The following CLSTN3 variants were observed in gnomAD, a reference collection of about 807,000 sequenced individuals.
The protein encoded by CLSTN3 is calsyntenin-3.
In CLSTN3, 36 loss-of-function variants were observed where a neutral mutation model predicts 95.9. That is an observed-to-expected ratio of 0.38 (90% CI 0.29 to 0.50). The LOEUF (loss-of-function observed/expected upper bound fraction) is 0.50, where lower values mean the gene tolerates loss of function less well. Among genes scored for constraint, CLSTN3 ranks in the 20% least tolerant of loss-of-function variants. The pLI, the probability that CLSTN3 is intolerant of heterozygous loss-of-function variation, is 0.95. For missense variants in CLSTN3, 1,084 were observed against 1,268.8 expected, an observed-to-expected ratio of 0.85 and a Z score of 2.21; for synonymous variants, 481 against 504.0, an observed-to-expected ratio of 0.95 and a Z score of 0.61.
At chr12:7,156,286 G>C in intron 16 of CLSTN3, 5 of 457,054 alleles carry the variant, frequency 1.1e-5, no homozygotes, top group Non-Finnish European at 2.2e-5. Context: ...TCCACCTGCT[G>C]TCCCTGGGGC....
rs749951518 is a variant in CLSTN3 at position 7,133,731 on chromosome 12, G to A, written c.346G>A (p.Glu116Lys). The A allele has an allele frequency of 1.4e-5, 23 of 1,601,708 alleles. No homozygotes were observed. Among genetic ancestry groups the A allele is most frequent in the Admixed American group, 1.8e-5 (1 of 56,690 alleles). Residue 116 changes from glutamate (E) to lysine (K), a missense_variant, in exon 3 of 18, where the codon GAG (glutamate) becomes AAG (lysine). By Grantham distance (56) the Glu-to-Lys change is moderately conservative. Coordinates refer to ENST00000266546, the MANE Select transcript of CLSTN3 (RefSeq NM_014718.4). This position sits in a 1 kb window ranked among gnomAD's most constrained non-coding sequence, Gnocchi z 4.7. ...CACCATCCAGGCCTATGACTGTGGC[G>A]AGGGCCCCGACGGGGCCAACACCAA... Reference protein sequence around the residue: ...TFTIQAYDCGEGPDGANTKKS... With the variant: ...TFTIQAYDCGKGPDGANTKKS...
chr12:7,149,474 C>A lies in CLSTN3; in HGVS notation c.2075-49C>A. 6.4e-7 allele frequency: 1 copy of A among 1,555,934 alleles called. No homozygotes were observed. Among genetic ancestry groups the A allele is most frequent in the Non-Finnish European group, 8.7e-7 (1 of 1,143,308 alleles). On this transcript the variant is annotated intron_variant, in intron 13 of 17. Transcript: ENST00000266546. The surrounding 1 kb of genome is among the most constrained non-coding windows in gnomAD (Gnocchi z 4.5). ...TGAGGGCATGGTTGGGTCTCAGAAC[C>A]TCCGTGGGCCCTTTGGCTCTGACCC...
rs1292964959 is a variant in CLSTN3 at position 7,132,836 on chromosome 12, G to T, written c.65-188G>T. 9 of 710,986 alleles carry T rather than the reference G, an allele frequency of 1.3e-5. No individual in the cohort carries two copies. In the South Asian group the frequency reaches 1.5e-4, roughly 12 times the overall value. 44.0% of individuals were successfully genotyped at this position (710,986 alleles called of 1,614,324 possible). Reference sequence around the variant, plus strand: ...CTATAGGAGAAGGCTATGACCTCCCGCAGACCCTCTGACTCCTTTAGTAGC... The same window carrying T: ...CTATAGGAGAAGGCTATGACCTCCCTCAGACCCTCTGACTCCTTTAGTAGC... On this transcript the variant is annotated intron_variant, in intron 1 of 17. Coordinates refer to ENST00000266546, the MANE Select transcript of CLSTN3 (RefSeq NM_014718.4).
chr12:7,139,729 ACCTCGG>A (rs1939496067), intron 8 of CLSTN3, among the ~76,000 whole-genome samples: 1 of 151,814 alleles, frequency 6.6e-6, no homozygotes. Context: ...GCTCACTGCA[ACCTCGG>A]CCTCCCGGGT....
chr12:7,130,315 CCAGTCACCTGATTGGCCGGCGG>C, upstream of CLSTN3: 1 of 992,712 alleles, frequency 1.0e-6, no homozygotes, highest in South Asian at 1.9e-5. Context: ...CCCCCCCCTC[CCAGTCACCTGATTGGCCGGCGG>C]CCCCATCAAT....
At chr12:7,142,253 G>A (rs1939539600) in intron 10 of CLSTN3, 114 bp downstream of exon 10, 1 of 848,138 alleles carries the variant, frequency 1.2e-6, no homozygotes, top group African/African-American at 1.7e-5. Context: ...TAGGCCACCA[G>A]GGGGCAGAGC....
chr12:7,135,626 C>A, intron 4 of CLSTN3, 91 bp downstream of exon 4: 2 of 1,416,148 alleles, frequency 1.4e-6, no homozygotes, highest in South Asian at 1.2e-5. Context: ...TCCACTTTTG[C>A]CCCTCAGACC....
Position 7,143,309 on chromosome 12 carries a change from C to G in CLSTN3, c.1845C>G (p.Val615=). 1 of 1,607,522 alleles carries G rather than the reference C, an allele frequency of 6.2e-7. No individual in the cohort carries two copies. The highest frequency in any genetic ancestry group is 8.5e-7 in the Non-Finnish European group (1 of 1,179,354). The change falls in exon 12 of 18, where the codon GTC becomes GTG. Residue 615 remains valine (V), a splice_region_variant and synonymous_variant. Coordinates refer to ENST00000266546, the MANE Select transcript of CLSTN3 (RefSeq NM_014718.4). The part of the protein sequence containing the change: ...GVRPLRLTTA[V]KCFSEESCVS... ...GGCCCCTGCGCCTCACCACTGCTGT[C>G]AAGTGAGTGTTGGGTGGGGCAGGGC...
intron 12 of CLSTN3, among the ~76,000 whole-genome samples, chr12:7,146,425 A>T (rs1565652508): frequency 6.6e-6 from 1 of 152,130 alleles, no homozygotes; most frequent in Non-Finnish European, 1.5e-5. Context: ...AGAGAAAAAA[A>T]AAACAGATCT....
intron 12 of CLSTN3, among the ~76,000 whole-genome samples, chr12:7,144,353 A>G (rs1310530103): frequency 6.6e-6 from 1 of 152,206 alleles, no homozygotes; most frequent in Non-Finnish European, 1.5e-5. Flanking sequence ...ACATGTTTAA[A>G]AATACAGATC....
At chr12:7,143,406 C>T (rs1287390656) in intron 12 of CLSTN3, 95 bp downstream of exon 12, 3 of 1,403,872 alleles carry the variant, frequency 2.1e-6, no homozygotes, top group African/African-American at 2.9e-5. Flanking sequence ...AGGCATACCT[C>T]TTTTGTTTTA....
rs749615053 is a variant in CLSTN3 at position 7,149,162 on chromosome 12, G to T, written c.2038G>T (p.Val680Leu). Residue 680 changes from valine to leucine, a missense_variant, in exon 13 of 18, where the codon GTG (valine) becomes TTG (leucine). Coordinates refer to ENST00000266546, the MANE Select transcript of CLSTN3 (RefSeq NM_014718.4). This position sits in a 1 kb window ranked among gnomAD's most constrained non-coding sequence, Gnocchi z 4.5. ...AATCACCTGCTCCATTTCTCACCAGGTGGAGGCCAAAAAGGATGAGAGTTG... is the reference window on the plus strand; with the variant it reads ...AATCACCTGCTCCATTTCTCACCAGTTGGAGGCCAAAAAGGATGAGAGTTG... ...LQITCSISHQ[V>L]EAKKDESWQG... is the part of the protein sequence containing the mutation. 2 of 1,614,052 alleles carry T rather than the reference G, an allele frequency of 1.2e-6. No homozygotes were observed. Among genetic ancestry groups the T allele is most frequent in the Non-Finnish European group, 8.5e-7 (1 of 1,180,044 alleles).
Position 7,133,898 on chromosome 12 carries a change from GC to G in CLSTN3, c.383+134del. The G allele has an allele frequency of 1.4e-6, 1 of 731,460 alleles. No homozygotes were observed. Among genetic ancestry groups the G allele is most frequent in the Non-Finnish European group, 2.2e-6 (1 of 457,950 alleles). 45.3% of individuals were successfully genotyped at this position (731,460 alleles called of 1,614,324 possible). A position where few individuals can be genotyped will look rare whatever the true frequency, so the allele number is the denominator to read the frequency against. ...CGCTGCTGTTCCTAGGACTTAGGGA[GC>G]CCCATCCCCTGCTGTTCCTAGGATT... On this transcript the variant is annotated intron_variant, in intron 3 of 17. Transcript: ENST00000266546. This position sits in a 1 kb window ranked among gnomAD's most constrained non-coding sequence, Gnocchi z 4.7.
Position 7,157,109 on chromosome 12 carries a change from G to T in CLSTN3, c.2528-380G>T, listed in dbSNP as rs752472481. Among the ~76,000 whole-genome samples the T allele has an allele frequency of 6.6e-6, 1 of 152,180 alleles. No individual in the cohort carries two copies. The highest frequency in any genetic ancestry group is 2.1e-4 in the South Asian group (1 of 4,826). ...CTGGCACCTCTTTCCTAGGCTGAGT[G>T]GTCTCTGGGGAAGGCACAGGTGGAA... is the stretch of plus-strand genomic sequence containing the variant. On this transcript the variant is annotated intron_variant, in intron 16 of 17. Coordinates refer to ENST00000266546, the MANE Select transcript of CLSTN3 (RefSeq NM_014718.4). This position sits in a 1 kb window ranked among gnomAD's most constrained non-coding sequence, Gnocchi z 5.9.
intron 16 of CLSTN3, among the ~76,000 whole-genome samples, chr12:7,154,745 C>A (rs1939787471): frequency 6.6e-6 from 1 of 152,082 alleles, no homozygotes; most frequent in Non-Finnish European, 1.5e-5. Context: ...TCTTTTGTTT[C>A]CTACAAGTAT....
Position 7,137,930 on chromosome 12 carries a change from C to T in CLSTN3, c.1211-25C>T. 6.3e-7 allele frequency: 1 copy of T among 1,582,914 alleles called. No homozygotes were observed. Among genetic ancestry groups the T allele is most frequent in the African/African-American group, 1.3e-5 (1 of 74,422 alleles). ...TTCTGGCCTCAGCCTCTGCACTTGA[C>T]CCCATCCCCTTCCTGTGCCCTCAGA... On this transcript the variant is annotated intron_variant, in intron 7 of 17. Transcript: ENST00000266546. The surrounding 1 kb of genome is among the most constrained non-coding windows in gnomAD (Gnocchi z 4.4).
rs902042870 is a variant in CLSTN3 at position 7,135,890 on chromosome 12, C to A, written c.679C>A (p.Arg227=). Residue 227 remains arginine, a synonymous_variant, in exon 5 of 18, where the codon CGG becomes AGG. Transcript: ENST00000266546. The stretch of plus-strand genomic sequence containing the variant: ...GACAGCTTATGACTGTGGGAAGAAG[C>A]GGGCAGCAGATGATGCTGAGGTGGA... ...TVTAYDCGKK[R]AADDAEVEIQ... The A allele has an allele frequency of 1.9e-6, 3 of 1,614,034 alleles. No individual in the cohort carries two copies. The highest frequency in any genetic ancestry group is 2.5e-6 in the Non-Finnish European group (3 of 1,179,946).
chr12:7,158,254 T>C lies in CLSTN3; in HGVS notation c.*173T>C. ...GGCCCTCTGGAGTCCGCCCTGCCCC[T>C]CCCCCGGCCCCCCATCCCTCACTTC... On this transcript the variant is annotated 3_prime_UTR_variant, in exon 18 of 18. Transcript: ENST00000266546. The C allele has an allele frequency of 1.5e-6, 1 of 689,456 alleles. No homozygotes were observed. Among genetic ancestry groups the C allele is most frequent in the Non-Finnish European group, 2.3e-6 (1 of 442,152 alleles). The allele number at this position is 689,456 out of a possible 1,614,324, so 42.7% of individuals were successfully genotyped here. A position where few individuals can be genotyped will look rare whatever the true frequency, so the allele number is the denominator to read the frequency against.
At chr12:7,142,008 G>A in intron 9 of CLSTN3, 78 bp from the exon 10 acceptor site, 1 of 1,135,734 alleles carries the variant, frequency 8.8e-7, no homozygotes, top group Non-Finnish European at 1.3e-6. Context: ...ATGAGAGGAA[G>A]ACATCTCATT....
Sources: gnomAD v4.1 joint callset for allele counts (sites outside exome capture counted in the v4.1 genomes callset) on GRCh38, gnomAD v4.1.1 for gene constraint, Gnocchi (gnomAD v3.1) non-coding constraint, MANE v1.5 for transcripts, NCBI Gene and HGNC (gene_info 2026-07-23, HGNC 2026-07-21) for gene names.